NMS: variants seen among roughly 807,000 people sequenced by gnomAD.
NMS encodes neuromedin-S.
Under a neutral mutation model 32.2 loss-of-function variants are expected in NMS, and 30 were observed. The ratio of observed to expected loss-of-function variants is 0.93; its 90% confidence interval spans 0.70 to 1.26. NMS has a LOEUF of 1.26. NMS is among the 50% of genes most tolerant of loss of function. NMS has a pLI of 0.00. For missense variants in NMS, 190 were observed against 186.3 expected (o/e 1.02, Z -0.12); for synonymous variants, 76 against 58.5 (o/e 1.30, Z -1.37).
rs777763390 is a variant in NMS, at chr2:100,479,392, C to A, written c.301C>A (p.Leu101Ile). ...VHPLMHLAAKLANRRMKRILQ... is the reference protein window; with the variant it reads ...VHPLMHLAAKIANRRMKRILQ... ...TCCTCTAATGCACCTGGCTGCCAAG[C>A]TCGCCAACAGGCGGATGAAGAGAAT... is the stretch of plus-strand genomic sequence containing the variant. Residue 101 changes from leucine to isoleucine, a missense_variant, in exon 6 of 10, where the codon CTC becomes ATC. Transcript: ENST00000376865. The A allele has an allele frequency of 6.2e-7, 1 of 1,611,440 alleles. No individual in the cohort carries two copies. Among genetic ancestry groups the A allele is most frequent in the South Asian group, 1.1e-5 (1 of 90,330 alleles).
intron 3 of NMS, among the ~76,000 whole-genome samples, chr2:100,475,206 A>G (rs1677086382): frequency 1.3e-5 from 2 of 152,312 alleles, no homozygotes; most frequent in East Asian, 1.9e-4. Context: ...AAAGGCATTA[A>G]TAGAGAAACT....
chr2:100,473,704 T>G (rs1401736947), intron 3 of NMS, among the ~76,000 whole-genome samples, 165 bp downstream of exon 3: 1 of 151,636 alleles, frequency 6.6e-6, no homozygotes, highest in African/African-American at 2.4e-5. Context: ...ATAAATATGT[T>G]AAATATCTTA....
chr2:100,477,716 G>C (rs1677138769), intron 5 of NMS, among the ~76,000 whole-genome samples: 1 of 152,152 alleles, frequency 6.6e-6, no homozygotes, highest in East Asian at 1.9e-4. Context: ...GGTAAACACT[G>C]TGCTCTCTTT....
chr2:100,473,439 T>A, intron 2 of NMS, 50 bp from the exon 3 acceptor site: 1 of 1,104,564 alleles, frequency 9.1e-7, no homozygotes, highest in East Asian at 2.6e-5. Flanking sequence ...TCAATCTCTC[T>A]CTTCATCCCC....
intron 2 of NMS, 41 bp from the exon 3 acceptor site, chr2:100,473,448 C>T (rs1317955303): frequency 2.4e-6 from 3 of 1,233,030 alleles, no homozygotes; most frequent in Non-Finnish European, 2.2e-6. Context: ...CTCTTCATCC[C>T]CCTCATCCCT....
intron 1 of NMS, among the ~76,000 whole-genome samples, chr2:100,471,715 T>A (rs1476114255): frequency 6.6e-6 from 1 of 152,236 alleles, no homozygotes; most frequent in Non-Finnish European, 1.5e-5. Flanking sequence ...TTGGTTTGCA[T>A]TACTTTGCAT....
intron 6 of NMS, 49 bp from the exon 7 acceptor site, chr2:100,480,447 G>A: frequency 6.3e-7 from 1 of 1,597,590 alleles, no homozygotes; most frequent in Middle Eastern, 1.7e-4. Context: ...CAACTGCAAG[G>A]TCATGATGTG....
At chr2:100,480,372 C>A (rs13428749) in intron 6 of NMS, 124 bp from the exon 7 acceptor site, 205,745 of 937,602 alleles carry the variant, frequency 0.22, 23,606 homozygotes, top group East Asian at 0.32. Flanking sequence ...CTCTCCACCT[C>A]CTCTTTTGCA....
intron 6 of NMS, 114 bp downstream of exon 6, chr2:100,479,541 TC>T (rs1188444623): frequency 1.1e-6 from 1 of 928,626 alleles, no homozygotes; most frequent in African/African-American, 1.7e-5. Context: ...AATCTTAGTC[TC>T]CACCTTGGCA....
At chr2:100,478,973 C>G (rs1405566173) in intron 5 of NMS, among the ~76,000 whole-genome samples, 1 of 152,112 alleles carries the variant, frequency 6.6e-6, no homozygotes, top group Admixed American at 6.5e-5. Flanking sequence ...GGGAGGGTTA[C>G]GGGGGCTGCC....
intron 1 of NMS, 72 bp downstream of exon 1, chr2:100,470,636 G>T (rs1438432611): frequency 9.8e-6 from 12 of 1,228,442 alleles, no homozygotes; most frequent in African/African-American, 1.5e-5. Context: ...TGATCCCCCA[G>T]GGCAGCTCTG....
chr2:100,470,658 G>A (rs1380918882), intron 1 of NMS, 94 bp downstream of exon 1: 2 of 964,534 alleles, frequency 2.1e-6, no homozygotes, highest in African/African-American at 1.6e-5. Flanking sequence ...AGGGAGTCAA[G>A]CTTTATTCTC....
At chr2:100,479,329 C>A in intron 5 of NMS, 24 bp from the exon 6 acceptor site, 2 of 1,587,222 alleles carry the variant, frequency 1.3e-6, no homozygotes, top group Non-Finnish European at 1.7e-6. Context: ...CCTGTCTGAC[C>A]CTCTCCGCGC....
At chr2:100,476,169 T>G (rs1229956216) in intron 3 of NMS, among the ~76,000 whole-genome samples, 3 of 152,016 alleles carry the variant, frequency 2.0e-5, no homozygotes, top group Non-Finnish European at 4.4e-5. Flanking sequence ...AAAAAACAAT[T>G]GTTTGCCCAA....
intron 5 of NMS, 46 bp from the exon 6 acceptor site, chr2:100,479,307 T>G: frequency 6.9e-7 from 1 of 1,442,280 alleles, no homozygotes. Context: ...AATACCCCTC[T>G]GTGGATGTCC....
intron 1 of NMS, among the ~76,000 whole-genome samples, chr2:100,471,734 G>T (rs1386780945): frequency 1.3e-5 from 2 of 152,186 alleles, no homozygotes; most frequent in Non-Finnish European, 2.9e-5. Context: ...ATTATTGAAT[G>T]ATTCCAATCA....
Position 100,472,450 on chromosome 2 carries a change from G to T in NMS, c.77-345G>T, listed in dbSNP as rs550965493. On this transcript the variant is annotated intron_variant, in intron 1 of 9. Coordinates refer to ENST00000376865, the MANE Select transcript of NMS (RefSeq NM_001011717.1). ...CCATTTTCTGAGATGCCATCCTCAT[G>T]AATTCTATCAAAATACAAACTAAGT... is the stretch of plus-strand genomic sequence containing the variant. Among the ~76,000 whole-genome samples the T allele has an allele frequency of 2.0e-5, 3 of 152,318 alleles. No homozygotes were observed. The South Asian group carries it at 6.2e-4, about 32-fold the overall frequency.
At chr2:100,477,900 G>A (rs974196380) in intron 5 of NMS, among the ~76,000 whole-genome samples, 6 of 152,106 alleles carry the variant, frequency 3.9e-5, no homozygotes, top group African/African-American at 1.2e-4. Flanking sequence ...AGTTACCCTC[G>A]AAAGCAGCTT....
chr2:100,482,160 T>C (rs914897432), intron 8 of NMS, 117 bp from the exon 9 acceptor site: 2 of 986,174 alleles, frequency 2.0e-6, no homozygotes, highest in Non-Finnish European at 3.2e-6. Flanking sequence ...TGGAGGGGAG[T>C]GAAGTCCTAG....
Sources: gnomAD v4.1 joint callset for allele counts (sites outside exome capture counted in the v4.1 genomes callset) on GRCh38, gnomAD v4.1.1 for gene constraint, MANE v1.5 for transcripts, NCBI Gene and HGNC (gene_info 2026-07-23, HGNC 2026-07-21) for gene names.